Variants in FAAP20 observed in about 807,000 individuals in gnomAD.
The protein encoded by FAAP20 is Fanconi anemia core complex-associated protein 20.
In FAAP20, 12 loss-of-function variants were observed where a neutral mutation model predicts 16.2. That is an observed-to-expected ratio of 0.74 (90% confidence interval 0.48 to 1.20). The LOEUF (loss-of-function observed/expected upper bound fraction) is 1.20, where lower values mean the gene tolerates loss of function less well. Ranked by LOEUF, FAAP20 falls within the 50% of genes most tolerant of loss-of-function variation. The probability of loss-of-function intolerance (pLI) is 0.00; values close to 1 mark genes in which losing one functional copy is unlikely to be tolerated. For synonymous variants in FAAP20, 141 were observed against 110.7 expected, an observed-to-expected ratio of 1.27 and a Z score of -1.72; for missense variants, 288 against 245.8, an observed-to-expected ratio of 1.17 and a Z score of -1.15.
upstream of FAAP20, among the ~76,000 whole-genome samples, chr1:2,202,855 A>G (rs985937026): frequency 6.6e-6 from 1 of 152,166 alleles, no homozygotes; most frequent in South Asian, 2.1e-4. Context: ...GGCCTCAAGC[A>G]ATCCTCCTGC....
At chr1:2,198,505 C>T (rs1012717396), upstream of FAAP20, 3 of 473,548 alleles carry the variant, frequency 6.3e-6, no homozygotes, top group African/African-American at 6.2e-5. Context: ...CCACTGGCAT[C>T]CTCAGAGTCA....
downstream of FAAP20, among the ~76,000 whole-genome samples, chr1:2,211,383 C>G (rs1326803244): frequency 8.4e-6 from 1 of 119,350 alleles, no homozygotes. Flanking sequence ...GTACCTGCCA[C>G]CACGCCTGGC....
upstream of FAAP20, among the ~76,000 whole-genome samples, chr1:2,202,660 G>C (rs1689095834): frequency 6.6e-6 from 1 of 152,090 alleles, no homozygotes; most frequent in East Asian, 1.9e-4. Flanking sequence ...TTGTAGAGAC[G>C]GGATGGGATT....
rs1688502092 is a variant in FAAP20, at chr1:2,193,636, C to G, written c.470+3G>C. On this transcript the variant is annotated splice_donor_region_variant and intron_variant, in intron 3 of 3. Coordinates refer to ENST00000378546, the MANE Select transcript of FAAP20 (RefSeq NM_182533.4). ...GGGCCGGGCGCAGGGGTGGCCTACTCACCTGGGGGCGAACTCCTTCTGGCA... is the reference window on the plus strand; with the variant it reads ...GGGCCGGGCGCAGGGGTGGCCTACTGACCTGGGGGCGAACTCCTTCTGGCA... The G allele has an allele frequency of 1.9e-6, 3 of 1,593,468 alleles. No individual in the cohort carries two copies. The South Asian group carries it at 3.4e-5, about 18-fold the overall frequency.
chr1:2,201,313 G>A (rs1386509332), upstream of FAAP20: 2 of 1,030,252 alleles, frequency 1.9e-6, no homozygotes, highest in East Asian at 7.8e-5. Flanking sequence ...GACCTCTGTA[G>A]GCTCGAAGGC....
chr1:2,200,675 T>G (rs1466641910), upstream of FAAP20: 2 of 986,864 alleles, frequency 2.0e-6, no homozygotes, highest in Non-Finnish European at 2.4e-6. Flanking sequence ...CGCAGCAGGC[T>G]CCCGGCTTTC....
At chr1:2,191,855 C>G in intron 3 of FAAP20, 2 of 985,554 alleles carry the variant, frequency 2.0e-6, no homozygotes, top group Non-Finnish European at 2.4e-6. Context: ...GCTTCCCATC[C>G]ACCCACGTGA....
At chr1:2,209,432 A>G (rs1689374668), downstream of FAAP20, among the ~76,000 whole-genome samples, 1 of 152,368 alleles carries the variant, frequency 6.6e-6, no homozygotes, top group East Asian at 1.9e-4. Flanking sequence ...AGCTCTCTAG[A>G]ACAGGAACTC....
chr1:2,193,755 C>A lies in FAAP20; in HGVS notation c.354G>T (p.Leu118=), dbSNP rs957638292. ...AGGGATCAGGTGCCGGGCGCTGGGG[C>A]AGGGACCTGGCGGGGGATTCCAGGT... The part of the protein sequence containing the change: ...GGHLESPARS[L]PQRPAPDPCR... Residue 118 remains leucine (L), a synonymous_variant, in exon 3 of 4, where the codon CTG becomes CTT. Coordinates refer to ENST00000378546, the MANE Select transcript of FAAP20 (RefSeq NM_182533.4). 2 of 1,593,056 alleles carry A rather than the reference C, an allele frequency of 1.3e-6. No individual in the cohort carries two copies. Among genetic ancestry groups the A allele is most frequent in the African/African-American group, 1.4e-5 (1 of 73,460 alleles).
intron 3 of FAAP20, 135 bp downstream of exon 3, chr1:2,193,504 A>C: frequency 7.3e-7 from 1 of 1,363,880 alleles, no homozygotes; most frequent in Non-Finnish European, 9.9e-7. Context: ...AGGCCACAGC[A>C]CTGGGCCACC....
chr1:2,189,945 C>A lies in FAAP20; in HGVS notation c.471-164G>T, dbSNP rs1011097737. On this transcript the variant is annotated intron_variant, in intron 3 of 3. Transcript: ENST00000378546. ...CCAGGGGCTCATGCACCCGGCAGACCACGGTAACCGCCAGTGGTGTTTCCA... is the reference window on the plus strand; with the variant it reads ...CCAGGGGCTCATGCACCCGGCAGACAACGGTAACCGCCAGTGGTGTTTCCA... The A allele has an allele frequency of 1.4e-5, 9 of 654,230 alleles. No individual in the cohort carries two copies. In the African/African-American group the frequency reaches 1.6e-4, roughly 12 times the overall value. 40.5% of individuals were successfully genotyped at this position (654,230 alleles called of 1,614,324 possible). A position where few individuals can be genotyped will look rare whatever the true frequency, so the allele number is the denominator to read the frequency against.
At chr1:2,194,402 G>A (rs560115450) in intron 1 of FAAP20, among the ~76,000 whole-genome samples, 1 of 147,268 alleles carries the variant, frequency 6.8e-6, no homozygotes, top group Non-Finnish European at 1.5e-5. Flanking sequence ...GGAGATTGCG[G>A]AGGGCCTGGG....
chr1:2,207,883 T>C (rs1298733638), downstream of FAAP20: 1 of 151,580 alleles, frequency 6.6e-6, no homozygotes, highest in Non-Finnish European at 1.5e-5. Flanking sequence ...CCTCAGCGAT[T>C]CAGGCGGGGC....
At position 2,189,613 on chromosome 1, in the gene FAAP20, AGGCGGGGCTGCTGGCGGGGGAGCCGAG is replaced by A; in HGVS notation, c.*69_*95del. 1.1e-6 allele frequency: 1 copy of A among 903,288 alleles called. No individual in the cohort carries two copies. The highest frequency in any genetic ancestry group is 2.6e-4 in the Middle Eastern group (1 of 3,812). 56.0% of individuals were successfully genotyped at this position (903,288 alleles called of 1,614,324 possible). A position where few individuals can be genotyped will look rare whatever the true frequency, so the allele number is the denominator to read the frequency against. On this transcript the variant is annotated 3_prime_UTR_variant, in exon 4 of 4. Transcript: ENST00000378546. ...TTAATGCGCATGCGGGGGAGCCGAG[AGGCGGGGCTGCTGGCGGGGGAGCCGAG>A]AGGCGGGGCTGCTGGCGGGGGAGAG...
At chr1:2,202,533 G>A (rs376532999), upstream of FAAP20, among the ~76,000 whole-genome samples, 15 of 152,086 alleles carry the variant, frequency 9.9e-5, no homozygotes, top group East Asian at 9.6e-4. Context: ...GCATGATCTC[G>A]GCTCACTGCA....
At chr1:2,185,045 G>A (rs1471632415), downstream of FAAP20, 1 of 1,561,526 alleles carries the variant, frequency 6.4e-7, no homozygotes, top group Non-Finnish European at 8.8e-7. Flanking sequence ...ACGCGTGATT[G>A]ACCCTTTAAC....
upstream of FAAP20, among the ~76,000 whole-genome samples, chr1:2,197,689 G>A (rs1267271401): frequency 2.0e-5 from 3 of 152,234 alleles, no homozygotes; most frequent in Non-Finnish European, 4.4e-5. Flanking sequence ...TGTCACAGTT[G>A]TCCTCCTGGG....
At chr1:2,201,214 C>A, upstream of FAAP20, 1 of 1,210,546 alleles carries the variant, frequency 8.3e-7, no homozygotes, top group Non-Finnish European at 1.1e-6. Flanking sequence ...TCCAACGCCT[C>A]CCTCGCTGCC....
chr1:2,203,103 C>T (rs1261960128), upstream of FAAP20, among the ~76,000 whole-genome samples: 5 of 152,354 alleles, frequency 3.3e-5, no homozygotes, highest in South Asian at 8.3e-4. Context: ...CTGCCCATGG[C>T]CTGGCAACCT....
Sources: allele counts gnomAD v4.1 joint callset (sites outside exome capture counted in the v4.1 genomes callset), GRCh38; gene constraint gnomAD v4.1.1; transcripts MANE v1.5; gene names NCBI Gene and HGNC (gene_info 2026-07-23, HGNC 2026-07-21).